The following PCDHA2 variants were observed in gnomAD, a reference collection of about 807,000 sequenced individuals.
The protein encoded by PCDHA2 is protocadherin alpha-2.
In PCDHA2, 58 loss-of-function variants were observed where a neutral mutation model predicts 66.0. That is an observed-to-expected ratio of 0.88 (90% CI 0.71 to 1.09). The LOEUF (loss-of-function observed/expected upper bound fraction) is 1.09, where lower values mean the gene tolerates loss of function less well. Ranked by LOEUF, PCDHA2 falls within the 50% of genes least tolerant of loss-of-function variation. PCDHA2 has a pLI of 0.00. For missense variants in PCDHA2, 1,267 were observed against 1,242.3 expected (o/e 1.02, Z -0.30); for synonymous variants, 634 against 554.0 (o/e 1.14, Z -2.03).
chr5:140,881,241 T>C, intron 1 of PCDHA2: 1 of 382,456 alleles, frequency 2.6e-6, no homozygotes, highest in Non-Finnish European at 3.6e-6. Context: ...TCAATTTAAA[T>C]GACGGCAAGG....
At chr5:140,899,217 C>T (rs1467184800) in intron 1 of PCDHA2, among the ~76,000 whole-genome samples, 1 of 152,040 alleles carries the variant, frequency 6.6e-6, no homozygotes, top group Non-Finnish European at 1.5e-5. Flanking sequence ...GCCAGAACTT[C>T]CAACACTATG....
At chr5:140,870,502 A>G (rs781840750) in intron 1 of PCDHA2, 15 of 1,614,222 alleles carry the variant, frequency 9.3e-6, no homozygotes, top group Non-Finnish European at 1.2e-5. Context: ...GAAGGAGAAC[A>G]ACCCACCAGG....
intron 1 of PCDHA2, among the ~76,000 whole-genome samples, chr5:140,925,696 A>G (rs2153579068): frequency 6.6e-6 from 1 of 150,926 alleles, no homozygotes; most frequent in African/African-American, 2.4e-5. Context: ...GTGGGTATCT[A>G]GCCTATTCTT....
At chr5:140,810,256 G>T (rs1407131927) in intron 1 of PCDHA2, 3 of 152,158 alleles carry the variant, frequency 2.0e-5, no homozygotes, top group East Asian at 1.9e-4. Flanking sequence ...AATTTGCATT[G>T]TGCCTCAATG....
At chr5:140,984,826 T>C (rs1554246543) in intron 3 of PCDHA2, among the ~76,000 whole-genome samples, 4 of 152,188 alleles carry the variant, frequency 2.6e-5, no homozygotes, top group African/African-American at 9.6e-5. Context: ...TTAATTACCC[T>C]TTCTGTAAAT....
chr5:140,821,856 C>G, intron 1 of PCDHA2: 1 of 1,614,160 alleles, frequency 6.2e-7, no homozygotes, highest in East Asian at 2.2e-5. Flanking sequence ...AGGCAGGGAG[C>G]GGCCAGCTCC....
At chr5:140,829,634 G>A (rs2150171830) in intron 1 of PCDHA2, 2 of 1,612,200 alleles carry the variant, frequency 1.2e-6, no homozygotes, top group African/African-American at 2.7e-5. Context: ...CGCGGAGAGC[G>A]GCAAGGTGTA....
intron 1 of PCDHA2, among the ~76,000 whole-genome samples, chr5:140,896,714 T>C (rs1554187081): frequency 6.6e-6 from 1 of 152,180 alleles, no homozygotes; most frequent in African/African-American, 2.4e-5. Flanking sequence ...TGTTTTTTGC[T>C]TGTTAATTTG....
intron 1 of PCDHA2, chr5:140,884,763 CT>C (rs1206964755): frequency 1.9e-5 from 27 of 1,421,678 alleles, no homozygotes; most frequent in Non-Finnish European, 2.4e-5. Context: ...TTATTCTTTA[CT>C]TTAATTTTAA....
rs2150237925 is a variant in PCDHA2 at position 140,835,548 on chromosome 5, C to T, written c.2388+38196C>T. The T allele has an allele frequency of 3.1e-6, 5 of 1,613,950 alleles. No individual in the cohort carries two copies. The South Asian group carries it at 3.3e-5, about 11-fold the overall frequency. On this transcript the variant is annotated intron_variant, in intron 1 of 3. Transcript: ENST00000526136. The stretch of plus-strand genomic sequence containing the variant: ...AGTCAACGGACAGGTTACCTGCTCC[C>T]TGACGCCCCGCGTTCCCTTCAAGTT...
intron 1 of PCDHA2, chr5:140,929,584 A>T: frequency 2.3e-6 from 1 of 433,584 alleles, no homozygotes; most frequent in Non-Finnish European, 4.1e-6. Context: ...GTAATATGAC[A>T]TAAAGGTCTA....
chr5:140,835,129 T>G (rs2150231206), intron 1 of PCDHA2: 1 of 1,358,528 alleles, frequency 7.4e-7, no homozygotes, highest in East Asian at 2.5e-5. Context: ...CTGTATACGG[T>G]GAAATTACCA....
At chr5:140,878,400 A>C (rs1190004888) in intron 1 of PCDHA2, among the ~76,000 whole-genome samples, 2 of 152,218 alleles carry the variant, frequency 1.3e-5, no homozygotes, top group Non-Finnish European at 2.9e-5. Flanking sequence ...TGCTCACAAA[A>C]TATCTTCTTT....
chr5:140,939,903 CT>C (rs1485545948), intron 1 of PCDHA2, among the ~76,000 whole-genome samples: 1 of 152,046 alleles, frequency 6.6e-6, no homozygotes, highest in Non-Finnish European at 1.5e-5. Context: ...ATTCTGCATT[CT>C]TTTTTATTCT....
At chr5:140,883,244 G>C in intron 1 of PCDHA2, 3 of 1,614,014 alleles carry the variant, frequency 1.9e-6, no homozygotes, top group Non-Finnish European at 2.5e-6. Context: ...AGTTGACAAA[G>C]GAAATATTCC....
intron 1 of PCDHA2, chr5:140,835,475 A>T (rs141258579): frequency 6.2e-7 from 1 of 1,613,920 alleles, no homozygotes; most frequent in Non-Finnish European, 8.5e-7. Flanking sequence ...AGGACGCCCA[A>T]CCAGGTACCG....
intron 1 of PCDHA2, chr5:140,884,043 C>A (rs1196406346): frequency 6.2e-7 from 1 of 1,613,248 alleles, no homozygotes; most frequent in African/African-American, 1.3e-5. Flanking sequence ...CACGTGGTGG[C>A]GAAGGTGCGC....
At position 140,801,896 on chromosome 5, in the gene PCDHA2, A is replaced by G. The variant is rs1762807272; in HGVS notation, c.2388+4544A>G. On this transcript the variant is annotated intron_variant, in intron 1 of 3. Coordinates refer to ENST00000526136, the MANE Select transcript of PCDHA2 (RefSeq NM_018905.3). Reference sequence around the variant, plus strand: ...CGACTCAACTAAAGATCACTGTTTTAGATGTAAACGACAACGCCCCAGCGT... The same window carrying G: ...CGACTCAACTAAAGATCACTGTTTTGGATGTAAACGACAACGCCCCAGCGT... 3.7e-6 allele frequency: 6 copies of G among 1,614,214 alleles called. No individual in the cohort carries two copies. In the East Asian group the frequency reaches 1.3e-4, roughly 36 times the overall value.
At chr5:140,923,181 A>T (rs2081206798) in intron 1 of PCDHA2, among the ~76,000 whole-genome samples, 1 of 152,158 alleles carries the variant, frequency 6.6e-6, no homozygotes, top group Non-Finnish European at 1.5e-5. Flanking sequence ...GTTCAGATGC[A>T]TCTACTGCAG....
Sources: allele counts gnomAD v4.1 joint callset (sites outside exome capture counted in the v4.1 genomes callset), GRCh38; gene constraint gnomAD v4.1.1; transcripts MANE v1.5; gene names NCBI Gene and HGNC (gene_info 2026-07-23, HGNC 2026-07-21).